Variants in TF observed in about 807,000 individuals in gnomAD.
The protein encoded by TF is transferrin, also known as serotransferrin.
TF carries 55 observed loss-of-function variants against 82.4 expected under a neutral mutation model. The ratio of observed to expected loss-of-function variants is 0.67; its 90% CI spans 0.54 to 0.84. The LOEUF is 0.84. TF is among the 40% of genes least tolerant of loss of function. The probability of loss-of-function intolerance (pLI) is 0.00; values close to 1 mark genes in which losing one functional copy is unlikely to be tolerated. For missense variants in TF, 737 were observed against 868.4 expected, an observed-to-expected ratio of 0.85 and a Z score of 1.90; for synonymous variants, 332 against 332.6, an observed-to-expected ratio of 1.00 and a Z score of 0.02.
At chr3:133,698,043 C>A in the TF span, among the ~76,000 whole-genome samples, 8 of 152,228 alleles carry the variant, frequency 5.3e-5, no homozygotes, top group East Asian at 1.5e-3. Flanking sequence ...CTCTAATTGG[C>A]CATGGGCCAG....
chr3:133,732,833 C>A, the TF span, among the ~76,000 whole-genome samples: 7 of 152,156 alleles, frequency 4.6e-5, no homozygotes, highest in African/African-American at 1.7e-4. Flanking sequence ...ACATTATGAT[C>A]CTCATTTTCT....
At chr3:133,694,163 C>A in the TF span, 1 of 152,874 alleles carries the variant, frequency 6.5e-6, no homozygotes, top group African/African-American at 2.4e-5. Flanking sequence ...CATGTACGAC[C>A]TGGAGGTCCC....
the TF span, among the ~76,000 whole-genome samples, chr3:133,721,900 G>A: frequency 1.3e-5 from 2 of 152,026 alleles, no homozygotes; most frequent in East Asian, 3.9e-4. Flanking sequence ...TGTTGTTCGA[G>A]ACAGGGTCTG....
chr3:133,710,925 A>G, the TF span, among the ~76,000 whole-genome samples: 3 of 152,140 alleles, frequency 2.0e-5, no homozygotes, highest in Non-Finnish European at 4.4e-5. Flanking sequence ...GCTCCTCTGC[A>G]TCACTCCTCA....
At chr3:133,667,043 GAA>G in the TF span, among the ~76,000 whole-genome samples, 1 of 136,224 alleles carries the variant, frequency 7.3e-6, no homozygotes, top group Non-Finnish European at 1.6e-5. Flanking sequence ...CTCAGAAAAA[GAA>G]AAAAAAAAAA....
At chr3:133,754,460 G>A (rs754386772) in intron 3 of TF, 35 bp from the exon 4 acceptor site, 2 of 1,611,226 alleles carry the variant, frequency 1.2e-6, no homozygotes, top group Non-Finnish European at 8.5e-7. Flanking sequence ...CCTGCACCAG[G>A]CTGAGGGCCT....
rs1934711552 is a variant in TF at position 133,787,305 on chromosome 3, A to G, written c.*8685A>G. The G allele has an allele frequency of 6.6e-6, 1 of 152,214 alleles. No individual in the cohort carries two copies. Among genetic ancestry groups the G allele is most frequent in the Admixed American group, 6.5e-5 (1 of 15,284 alleles). 9.4% of individuals were successfully genotyped at this position (152,214 alleles called of 1,614,324 possible). ...ATGATTTTTGGGTATGAATTTGTTC[A>G]GCCATCTCTAAGCGTTACACATGCC... is the stretch of plus-strand genomic sequence containing the variant. On this transcript the variant is annotated 3_prime_UTR_variant, in exon 17 of 17. Coordinates refer to ENST00000402696, the MANE Select transcript of TF (RefSeq NM_001063.4).
In TF at chr3:133,793,122, G is replaced by T. The variant is rs1934881527; in HGVS notation, c.*14502G>T. The T allele has an allele frequency of 6.6e-6, 1 of 152,026 alleles. No individual in the cohort carries two copies. The highest frequency in any genetic ancestry group is 6.6e-5 in the Admixed American group (1 of 15,264). The allele number at this position is 152,026 out of a possible 1,614,324, so 9.4% of individuals were successfully genotyped here. A position where few individuals can be genotyped will look rare whatever the true frequency, so the allele number is the denominator to read the frequency against. ...ACAAGATTTTCATGCAGTATTAAAA[G>T]ATAATGAAAGATCTTTGTTTGCCTT... On this transcript the variant is annotated 3_prime_UTR_variant, in exon 17 of 17. Transcript: ENST00000402696.
rs6778321 is a variant in TF at position 133,754,428 on chromosome 3, C to T, written c.326-67C>T. The T allele has an allele frequency of 6.9e-3, 10,493 of 1,529,140 alleles. 577 individuals are homozygous for T. In the African/African-American group the frequency reaches 0.12, roughly 18 times the overall value. 94.7% of individuals were successfully genotyped at this position (1,529,140 alleles called of 1,614,324 possible). On this transcript the variant is annotated intron_variant, in intron 3 of 16. Transcript: ENST00000402696. ...CCGCTCCCCTCCCTCCTCAAGAGTC[C>T]GGTGGTGATGAGCCATGTTTCCCTG...
rs1304790772 is a variant in TF, at chr3:133,787,506, ATAGT to A, written c.*8890_*8893del. On this transcript the variant is annotated 3_prime_UTR_variant, in exon 17 of 17. Transcript: ENST00000402696. Reference sequence around the variant, plus strand: ...TATATGAAATATCTGGTCTCTCTAGATAGTTAGAAATGCTTGATGTATTTAAAAG... The same window carrying A: ...TATATGAAATATCTGGTCTCTCTAGATAGAAATGCTTGATGTATTTAAAAG... 8 of 152,238 alleles carry A rather than the reference ATAGT, an allele frequency of 5.3e-5. No homozygotes were observed. The highest frequency in any genetic ancestry group is 8.8e-5 in the Non-Finnish European group (6 of 68,042). The allele number at this position is 152,238 out of a possible 1,614,324, so 9.4% of individuals were successfully genotyped here. A position where few individuals can be genotyped will look rare whatever the true frequency, so the allele number is the denominator to read the frequency against.
chr3:133,711,123 T>G, the TF span, among the ~76,000 whole-genome samples: 4 of 152,232 alleles, frequency 2.6e-5, no homozygotes, highest in African/African-American at 9.6e-5. Flanking sequence ...TTTCCCAATC[T>G]AGTTAAGAAA....
chr3:133,751,229 CTTTTTTTT>C (rs59638732), intron 2 of TF, among the ~76,000 whole-genome samples: 3 of 96,016 alleles, frequency 3.1e-5, no homozygotes, highest in Admixed American at 1.2e-4. Flanking sequence ...TAAGATTCCA[CTTTTTTTT>C]TTTTTTTTTT....
chr3:133,789,272 G>A lies in TF; in HGVS notation c.*10652G>A, dbSNP rs1340027004. On this transcript the variant is annotated 3_prime_UTR_variant, in exon 17 of 17. Coordinates refer to ENST00000402696, the MANE Select transcript of TF (RefSeq NM_001063.4). ...GGCATTTGCTGTTGAATGGGAAAGC[G>A]GGATGCAGTTGCATGTATCCAGGCT... 6.6e-6 allele frequency: 1 copy of A among 152,324 alleles called. No homozygotes were observed. The highest frequency in any genetic ancestry group is 2.4e-5 in the African/African-American group (1 of 41,464). 9.4% of individuals were successfully genotyped at this position (152,324 alleles called of 1,614,324 possible).
At chr3:133,703,214 TC>T in the TF span, among the ~76,000 whole-genome samples, 1 of 152,242 alleles carries the variant, frequency 6.6e-6, no homozygotes, top group Admixed American at 6.5e-5. Flanking sequence ...AACTAATTTT[TC>T]TGGAGTTACT....
At chr3:133,747,464 G>A (rs892720398) in intron 1 of TF, among the ~76,000 whole-genome samples, 1 of 152,210 alleles carries the variant, frequency 6.6e-6, no homozygotes, top group Non-Finnish European at 1.5e-5. Context: ...AGAGCTGTGG[G>A]CCTCCTCTCC....
intron 13 of TF, 49 bp from the exon 14 acceptor site, chr3:133,770,459 G>A (rs1194955835): frequency 6.3e-7 from 1 of 1,587,672 alleles, no homozygotes. Context: ...TGACAGATAA[G>A]TCACTCTGAC....
chr3:133,776,983 C>G, intron 15 of TF, 66 bp from the exon 16 acceptor site: 1 of 1,444,146 alleles, frequency 6.9e-7, no homozygotes, highest in Non-Finnish European at 9.7e-7. Context: ...TCAGACTCTT[C>G]TCATCCATGT....
chr3:133,703,260 A>G, the TF span, among the ~76,000 whole-genome samples: 1 of 152,204 alleles, frequency 6.6e-6, no homozygotes, highest in Non-Finnish European at 1.5e-5. Context: ...CTTAAACTGT[A>G]TTACTCATTT....
chr3:133,730,074 C>T, the TF span, among the ~76,000 whole-genome samples: 46 of 152,256 alleles, frequency 3.0e-4, no homozygotes, highest in East Asian at 1.5e-3. Flanking sequence ...GCACATCTAG[C>T]GAAATGAGCT....
Sources: allele counts gnomAD v4.1 joint callset (sites outside exome capture counted in the v4.1 genomes callset), GRCh38; gene constraint gnomAD v4.1.1; transcripts MANE v1.5; gene names NCBI Gene and HGNC (gene_info 2026-07-23, HGNC 2026-07-21).